The following MKLN1 variants were observed in gnomAD, a reference collection of about 807,000 sequenced individuals.
MKLN1 encodes muskelin.
In MKLN1, 18 loss-of-function variants were observed where a neutral mutation model predicts 99.0. That is an observed-to-expected ratio of 0.18 (90% confidence interval 0.13 to 0.27). MKLN1 has a LOEUF of 0.27. MKLN1 is among the 10% of genes least tolerant of loss of function. The pLI is 1.00. For synonymous variants in MKLN1, 288 were observed against 293.2 expected, an observed-to-expected ratio of 0.98 and a Z score of 0.18; for missense variants, 621 against 875.9, an observed-to-expected ratio of 0.71 and a Z score of 3.67.
intron 12 of MKLN1, among the ~76,000 whole-genome samples, chr7:131,451,890 CAGTCTACTAT>C (rs1563355887): frequency 6.6e-6 from 1 of 152,144 alleles, no homozygotes; most frequent in African/African-American, 2.4e-5. Flanking sequence ...TATAGAAACT[CAGTCTACTAT>C]AGTAAGAGTG....
chr7:131,236,491 A>C (rs1183458569), intron 3 of MKLN1, among the ~76,000 whole-genome samples: 1 of 151,848 alleles, frequency 6.6e-6, no homozygotes, highest in African/African-American at 2.4e-5. Context: ...TGAAACCCCG[A>C]CTCTACTAAA....
chr7:131,180,279 G>A (rs1796360063), intron 2 of MKLN1, among the ~76,000 whole-genome samples: 1 of 152,140 alleles, frequency 6.6e-6, no homozygotes, highest in Non-Finnish European at 1.5e-5. Context: ...GCTACAGCAG[G>A]ACTCGTTCCC....
chr7:131,466,946 C>A (rs1372097184), intron 15 of MKLN1, among the ~76,000 whole-genome samples: 1 of 152,240 alleles, frequency 6.6e-6, no homozygotes, highest in African/African-American at 2.4e-5. Context: ...CACACACGCA[C>A]GCAGGCACCC....
intron 6 of MKLN1, among the ~76,000 whole-genome samples, chr7:131,406,798 G>A (rs1794722566): frequency 6.6e-6 from 1 of 151,976 alleles, no homozygotes; most frequent in Admixed American, 6.6e-5. Context: ...AATATCATTC[G>A]ACTGTTATTA....
chr7:131,466,193 A>T (rs565648169), intron 14 of MKLN1, 83 bp from the exon 15 acceptor site: 1 of 921,788 alleles, frequency 1.1e-6, no homozygotes, highest in Non-Finnish European at 1.5e-6. Context: ...TGGGCTCAGG[A>T]AGTTAACCTG....
In MKLN1 at chr7:131,491,747, A is replaced by G. The variant is rs1301611360; in HGVS notation, c.*4019A>G. 6.6e-6 allele frequency: 1 copy of G among 152,528 alleles called. No individual in the cohort carries two copies. Among genetic ancestry groups the G allele is most frequent in the East Asian group, 1.9e-4 (1 of 5,188 alleles). 9.4% of individuals were successfully genotyped at this position (152,528 alleles called of 1,614,324 possible). A position where few individuals can be genotyped will look rare whatever the true frequency, so the allele number is the denominator to read the frequency against. On this transcript the variant is annotated 3_prime_UTR_variant, in exon 18 of 18. Transcript: ENST00000352689. The stretch of plus-strand genomic sequence containing the variant: ...TTTTTCTGAATAAATGCTGTATTAG[A>G]GGTTCTATTTATATATGATTTTTAA...
intron 3 of MKLN1, among the ~76,000 whole-genome samples, chr7:131,258,337 G>A (rs1487255): frequency 0.2 from 30,340 of 151,688 alleles, 3,441 homozygotes; most frequent in South Asian, 0.5. Flanking sequence ...TCTGTTGCTG[G>A]AGGAAGATTC....
rs548372306 is a variant in MKLN1, at chr7:131,162,214, G to A, written c.-297+19273G>A. Among the ~76,000 whole-genome samples, 30 of 151,740 alleles carry A rather than the reference G, an allele frequency of 2.0e-4. No homozygotes were observed. The South Asian group carries it at 5.8e-3, about 29-fold the overall frequency. ...ATTACAGGCGTGCACCACCAAGCCC[G>A]GCTAATTTTTGTATTTTTAGTAGAG... On this transcript the variant is annotated intron_variant, in intron 2 of 7. Coordinates refer to the MKLN1 transcript ENST00000416992.
chr7:131,135,560 CAAAGAGA>C, intron 1 of MKLN1, among the ~76,000 whole-genome samples: 1 of 152,202 alleles, frequency 6.6e-6, no homozygotes, highest in African/African-American at 2.4e-5. Flanking sequence ...AGGGCCCAGC[CAAAGAGA>C]CTGCGAGGGA....
chr7:131,196,633 ATG>A (rs1584826143), intron 2 of MKLN1, among the ~76,000 whole-genome samples: 1 of 152,106 alleles, frequency 6.6e-6, no homozygotes, highest in Non-Finnish European at 1.5e-5. Flanking sequence ...TTTGCATAGA[ATG>A]TGTGTGTGTT....
intron 3 of MKLN1, among the ~76,000 whole-genome samples, chr7:131,262,542 T>G (rs772242746): frequency 6.6e-6 from 1 of 152,066 alleles, no homozygotes. Flanking sequence ...ATTATGTTTT[T>G]TTTTCTTTTC....
chr7:131,354,512 TG>T, intron 1 of MKLN1, among the ~76,000 whole-genome samples: 1 of 140,036 alleles, frequency 7.1e-6, no homozygotes, highest in African/African-American at 2.6e-5. Flanking sequence ...GATTTTTTTT[TG>T]TGGGGGGGGG....
At chr7:131,451,429 G>A (rs1796174162) in intron 12 of MKLN1, among the ~76,000 whole-genome samples, 1 of 151,880 alleles carries the variant, frequency 6.6e-6, no homozygotes, top group African/African-American at 2.4e-5. Flanking sequence ...GAACTATTGA[G>A]ATCACCGAGA....
rs1309159560 is a variant in MKLN1 at position 131,491,661 on chromosome 7, A to G, written c.*3933A>G. 6.6e-6 allele frequency: 1 copy of G among 152,238 alleles called. No homozygotes were observed. Among genetic ancestry groups the G allele is most frequent in the Non-Finnish European group, 1.5e-5 (1 of 68,020 alleles). 9.4% of individuals were successfully genotyped at this position (152,238 alleles called of 1,614,324 possible). ...AGCTTACGTGAATGATGTTGCCCTC[A>G]TTTGTTTTGGGTGAGGACTCATTAC... is the stretch of plus-strand genomic sequence containing the variant. On this transcript the variant is annotated 3_prime_UTR_variant, in exon 18 of 18. Coordinates refer to ENST00000352689, the MANE Select transcript of MKLN1 (RefSeq NM_013255.5).
chr7:131,118,454 G>A (rs1795311046), intron 1 of MKLN1, among the ~76,000 whole-genome samples: 1 of 152,074 alleles, frequency 6.6e-6, no homozygotes. Context: ...TCAGGAGGCT[G>A]AGGCAAGAGA....
chr7:131,324,115 C>T (rs952734984), upstream of MKLN1: 2 of 152,164 alleles, frequency 1.3e-5, no homozygotes, highest in Non-Finnish European at 2.9e-5. Context: ...ATGACCTGCA[C>T]CTCTGCTGTA....
In MKLN1 at chr7:131,488,216, C is replaced by T. The variant is rs527440900; in HGVS notation, c.*488C>T. 3.6e-4 allele frequency: 55 copies of T among 152,104 alleles called. No homozygotes were observed. The highest frequency in any genetic ancestry group is 1.3e-3 in the African/African-American group (52 of 41,498). The allele number at this position is 152,104 out of a possible 1,614,324, so 9.4% of individuals were successfully genotyped here. On this transcript the variant is annotated 3_prime_UTR_variant, in exon 18 of 18. Transcript: ENST00000352689. ...CTGCGTGTAAATGGTGTCACTTGTT[C>T]ACCTCTTTACTTCATTCTTAACAAG...
Position 131,386,980 on chromosome 7 carries a change from A to G in MKLN1, c.169-140A>G, listed in dbSNP as rs531196070. The G allele has an allele frequency of 1.0e-5, 7 of 695,662 alleles. No individual in the cohort carries two copies. In the East Asian group the frequency reaches 2.1e-4, roughly 21 times the overall value. The allele number at this position is 695,662 out of a possible 1,614,324, so 43.1% of individuals were successfully genotyped here. A position where few individuals can be genotyped will look rare whatever the true frequency, so the allele number is the denominator to read the frequency against. Reference sequence around the variant, plus strand: ...TTATAAGGCTGTTATGTACTATTCTATAGCTTTAAAAAAATCTGCTAGTAC... The same window carrying G: ...TTATAAGGCTGTTATGTACTATTCTGTAGCTTTAAAAAAATCTGCTAGTAC... On this transcript the variant is annotated intron_variant, in intron 2 of 17. Coordinates refer to ENST00000352689, the MANE Select transcript of MKLN1 (RefSeq NM_013255.5).
intron 6 of MKLN1, among the ~76,000 whole-genome samples, chr7:131,405,046 C>T (rs1326214469): frequency 6.6e-6 from 1 of 152,094 alleles, no homozygotes; most frequent in South Asian, 2.1e-4. Flanking sequence ...TAGGACTAAT[C>T]AGAGTTGTTA....
Sources: gnomAD v4.1 joint callset for allele counts (sites outside exome capture counted in the v4.1 genomes callset) on GRCh38, gnomAD v4.1.1 for gene constraint, MANE v1.5 for transcripts, NCBI Gene and HGNC (gene_info 2026-07-23, HGNC 2026-07-21) for gene names.